The following IGSF21 variants were observed in gnomAD, a reference collection of about 807,000 sequenced individuals.
IGSF21 encodes immunoglobulin superfamily member 21.
Under a neutral mutation model 46.8 loss-of-function variants are expected in IGSF21, and 28 were observed. The observed-to-expected ratio is 0.60, with a 90% confidence interval of 0.44 to 0.82. IGSF21 has a LOEUF of 0.82. Ranked by LOEUF, IGSF21 falls within the 40% of genes least tolerant of loss-of-function variation. The probability of loss-of-function intolerance (pLI) is 0.00; values close to 1 mark genes in which losing one functional copy is unlikely to be tolerated. For synonymous variants in IGSF21, 284 were observed against 273.6 expected (o/e 1.04, Z -0.38); for missense variants, 624 against 665.5 (o/e 0.94, Z 0.69).
At chr1:18,341,076 TCTC>T (rs67935132) in intron 4 of IGSF21, among the ~76,000 whole-genome samples, 37,696 of 97,392 alleles carry the variant, frequency 0.39, 9,457 homozygotes, top group Non-Finnish European at 0.46. Flanking sequence ...TTCTTCTTCT[TCTC>T]CTCCTCCTCC....
intron 6 of IGSF21, among the ~76,000 whole-genome samples, chr1:18,366,987 C>T (rs774102053): frequency 1.3e-5 from 2 of 152,192 alleles, no homozygotes; most frequent in Admixed American, 6.5e-5. Context: ...GGGATGGGCA[C>T]GATGACCTGT....
chr1:18,305,115 G>C (rs1283306375), intron 3 of IGSF21, among the ~76,000 whole-genome samples: 1 of 152,182 alleles, frequency 6.6e-6, no homozygotes, highest in Non-Finnish European at 1.5e-5. Flanking sequence ...CTGAGAGAGG[G>C]CAGAAGATGA....
At chr1:18,339,416 C>T (rs912626197) in intron 4 of IGSF21, among the ~76,000 whole-genome samples, 2 of 152,210 alleles carry the variant, frequency 1.3e-5, no homozygotes, top group African/African-American at 2.4e-5. Flanking sequence ...TCCTTGAGAC[C>T]GAGCCCTAAC....
chr1:18,164,801 T>C (rs920604671), intron 1 of IGSF21, among the ~76,000 whole-genome samples: 16 of 151,968 alleles, frequency 1.1e-4, no homozygotes, highest in African/African-American at 3.9e-4. Flanking sequence ...TTGTTACATA[T>C]GTATACATGT....
At chr1:18,209,037 G>A (rs1440983654) in intron 1 of IGSF21, among the ~76,000 whole-genome samples, 1 of 152,236 alleles carries the variant, frequency 6.6e-6, no homozygotes, top group Non-Finnish European at 1.5e-5. Context: ...GGAGGAAGGA[G>A]AAGGTGGGAA....
chr1:18,345,214 G>C (rs950306252), intron 4 of IGSF21, among the ~76,000 whole-genome samples: 2 of 152,206 alleles, frequency 1.3e-5, no homozygotes, highest in Non-Finnish European at 2.9e-5. Context: ...GTGGAGGCTA[G>C]ATAATCCCCC....
At chr1:18,327,425 T>A (rs484128) in intron 3 of IGSF21, among the ~76,000 whole-genome samples, 1 of 152,030 alleles carries the variant, frequency 6.6e-6, no homozygotes, top group South Asian at 2.1e-4. Flanking sequence ...CTCCCTGGGC[T>A]AACAGAGACG....
At chr1:18,309,079 T>C (rs1307101473) in intron 3 of IGSF21, among the ~76,000 whole-genome samples, 4 of 151,574 alleles carry the variant, frequency 2.6e-5, no homozygotes, top group African/African-American at 9.7e-5. Context: ...CATACCCCCA[T>C]ACTCCCCGCC....
intron 2 of IGSF21, among the ~76,000 whole-genome samples, chr1:18,278,303 G>A (rs1362142075): frequency 6.6e-6 from 1 of 151,614 alleles, no homozygotes; most frequent in East Asian, 1.9e-4. Flanking sequence ...GCAGTGGCGC[G>A]ATCTCAGCTC....
intron 4 of IGSF21, among the ~76,000 whole-genome samples, chr1:18,351,557 G>C (rs1045818429): frequency 3.9e-5 from 6 of 152,164 alleles, no homozygotes; most frequent in East Asian, 3.8e-4. Flanking sequence ...CTGCTCTCTG[G>C]GGGGAGGACG....
At chr1:18,214,041 G>A (rs185138274) in intron 1 of IGSF21, among the ~76,000 whole-genome samples, 6 of 152,262 alleles carry the variant, frequency 3.9e-5, no homozygotes, top group Admixed American at 2.6e-4. Flanking sequence ...CCATAGAACA[G>A]CCTTCCCAAG....
chr1:18,372,933 G>A (rs1186088968), intron 6 of IGSF21, among the ~76,000 whole-genome samples: 1 of 152,124 alleles, frequency 6.6e-6, no homozygotes, highest in Non-Finnish European at 1.5e-5. Context: ...AAAGCATCCA[G>A]AATTCCTAGG....
At chr1:18,218,618 A>G (rs2084477024) in intron 1 of IGSF21, among the ~76,000 whole-genome samples, 2 of 152,260 alleles carry the variant, frequency 1.3e-5, no homozygotes, top group Non-Finnish European at 2.9e-5. Flanking sequence ...ATAAAGAATG[A>G]AGATAAATAA....
intron 4 of IGSF21, among the ~76,000 whole-genome samples, chr1:18,346,544 C>T (rs2085894967): frequency 6.6e-6 from 1 of 152,004 alleles, no homozygotes; most frequent in Non-Finnish European, 1.5e-5. Flanking sequence ...GCAGAAGCCA[C>T]AGGACATGGG....
intron 1 of IGSF21, among the ~76,000 whole-genome samples, chr1:18,211,730 T>C (rs2124491422): frequency 6.6e-6 from 1 of 152,368 alleles, no homozygotes; most frequent in African/African-American, 2.4e-5. Context: ...ATAGACTGTA[T>C]TCCTTGAGTA....
intron 2 of IGSF21, among the ~76,000 whole-genome samples, chr1:18,246,747 T>G (rs2084788057): frequency 6.6e-6 from 1 of 152,184 alleles, no homozygotes; most frequent in South Asian, 2.1e-4. Flanking sequence ...AGAGCTGCCC[T>G]GTCCACACCA....
At chr1:18,351,892 G>T (rs1019768284) in intron 4 of IGSF21, among the ~76,000 whole-genome samples, 1 of 152,200 alleles carries the variant, frequency 6.6e-6, no homozygotes, top group Non-Finnish European at 1.5e-5. Context: ...GGAGGCAGTT[G>T]CAGGCAGCGG....
At chr1:18,260,367 A>T (rs2084935404) in intron 2 of IGSF21, among the ~76,000 whole-genome samples, 1 of 152,244 alleles carries the variant, frequency 6.6e-6, no homozygotes, top group South Asian at 2.1e-4. Flanking sequence ...ATTGGAGCTT[A>T]GCCCGGGAGG....
At chr1:18,230,811 C>T (rs112866273) in intron 2 of IGSF21, among the ~76,000 whole-genome samples, 1 of 152,006 alleles carries the variant, frequency 6.6e-6, no homozygotes, top group East Asian at 1.9e-4. Flanking sequence ...GGAATGGGAG[C>T]AGCAGCAACA....
Sources: gnomAD v4.1 joint callset for allele counts (sites outside exome capture counted in the v4.1 genomes callset) on GRCh38, gnomAD v4.1.1 for gene constraint, MANE v1.5 for transcripts, NCBI Gene and HGNC (gene_info 2026-07-23, HGNC 2026-07-21) for gene names.